The following SOS1 variants were observed in gnomAD, a reference collection of about 807,000 sequenced individuals.
The protein encoded by SOS1 is son of sevenless homolog 1.
In SOS1, 25 loss-of-function variants were observed where a neutral mutation model predicts 157.6. The observed-to-expected ratio is 0.16, with a 90% confidence interval of 0.12 to 0.22. SOS1 has a LOEUF of 0.22. SOS1 is among the 10% of genes least tolerant of loss of function. The pLI, the probability that SOS1 is intolerant of heterozygous loss-of-function variation, is 1.00. For missense variants in SOS1, 1,237 were observed against 1,599.1 expected, an observed-to-expected ratio of 0.77 and a Z score of 3.86; for synonymous variants, 528 against 534.0, an observed-to-expected ratio of 0.99 and a Z score of 0.16.
chr2:39,018,264 A>G (rs1669690988), intron 10 of SOS1, among the ~76,000 whole-genome samples: 1 of 151,892 alleles, frequency 6.6e-6, no homozygotes, highest in South Asian at 2.1e-4. Context: ...TTTCTCAAAC[A>G]TGATCTCCTG....
chr2:39,103,214 T>C (rs1206871247), intron 1 of SOS1, among the ~76,000 whole-genome samples: 1 of 152,166 alleles, frequency 6.6e-6, no homozygotes, highest in Non-Finnish European at 1.5e-5. Flanking sequence ...AGACTTAATA[T>C]TGTTGACATC....
intron 1 of SOS1, among the ~76,000 whole-genome samples, chr2:39,086,859 C>T (rs1016776068): frequency 1.3e-5 from 2 of 152,108 alleles, no homozygotes; most frequent in Non-Finnish European, 2.9e-5. Flanking sequence ...GTCACCCAGG[C>T]TGGAGTGCAG....
intron 17 of SOS1, among the ~76,000 whole-genome samples, chr2:39,001,768 G>C (rs79266365): frequency 8.1e-4 from 123 of 152,272 alleles, no homozygotes; most frequent in African/African-American, 2.5e-3. Flanking sequence ...CTTAAGAATA[G>C]CACAGATAGG....
chr2:38,994,862 A>C lies in SOS1; in HGVS notation c.3346+261T>G, dbSNP rs143120043. ...GGAATGCATTTGAAAAGCTCAAATG[A>C]AATTTAAGCTGCCAATTTTACCACT... On this transcript the variant is annotated intron_variant, in intron 20 of 22. Transcript: ENST00000402219. Among the ~76,000 whole-genome samples, 753 of 152,316 alleles carry C rather than the reference A, an allele frequency of 4.9e-3. 6 individuals are homozygous for C. The highest frequency in any genetic ancestry group is 0.017 in the African/African-American group (726 of 41,560).
chr2:39,032,234 T>C (rs1670186087), intron 8 of SOS1, among the ~76,000 whole-genome samples: 1 of 152,156 alleles, frequency 6.6e-6, no homozygotes, highest in African/African-American at 2.4e-5. Context: ...TCTCTTGAAT[T>C]TACACCTCCT....
intron 7 of SOS1, 29 bp downstream of exon 7, chr2:39,035,361 T>C: frequency 5.6e-6 from 9 of 1,601,690 alleles, no homozygotes; most frequent in Non-Finnish European, 7.7e-6. Flanking sequence ...TTTCAGACAT[T>C]GTACATCTTC....
chr2:39,044,664 AC>A (rs1670688643), intron 6 of SOS1, among the ~76,000 whole-genome samples: 1 of 152,176 alleles, frequency 6.6e-6, no homozygotes, highest in South Asian at 2.1e-4. Context: ...GATCAAAAAT[AC>A]AGTATTTGTG....
chr2:39,044,520 T>C (rs1022221853), intron 6 of SOS1, among the ~76,000 whole-genome samples: 1 of 152,328 alleles, frequency 6.6e-6, no homozygotes, highest in East Asian at 1.9e-4. Flanking sequence ...TGTAAACTTC[T>C]CTCTGCAAAA....
chr2:39,083,440 C>A (rs1672275551), intron 1 of SOS1, among the ~76,000 whole-genome samples: 1 of 152,034 alleles, frequency 6.6e-6, no homozygotes, highest in Non-Finnish European at 1.5e-5. Context: ...AAAACGCAAA[C>A]AGAATATTTT....
intron 2 of SOS1, among the ~76,000 whole-genome samples, chr2:39,062,373 A>C (rs1671435033): frequency 6.7e-6 from 1 of 150,266 alleles, no homozygotes; most frequent in South Asian, 2.1e-4. Flanking sequence ...AGCTGAGATC[A>C]CACCACTGCA....
intron 1 of SOS1, among the ~76,000 whole-genome samples, chr2:39,106,074 G>C (rs1262589638): frequency 2.0e-5 from 3 of 151,786 alleles, no homozygotes; most frequent in African/African-American, 7.3e-5. Context: ...AAAAAAATTA[G>C]CCGCGCATGG....
At chr2:39,087,358 CATATG>C (rs1288834791) in intron 1 of SOS1, among the ~76,000 whole-genome samples, 1 of 152,182 alleles carries the variant, frequency 6.6e-6, no homozygotes, top group African/African-American at 2.4e-5. Flanking sequence ...GTGGAGCTGT[CATATG>C]ATAACAGCCA....
At chr2:39,043,943 G>A (rs556547815) in intron 6 of SOS1, among the ~76,000 whole-genome samples, 25 of 152,244 alleles carry the variant, frequency 1.6e-4, no homozygotes, top group African/African-American at 6.0e-4. Flanking sequence ...ATACACTTTT[G>A]ACTATTCATT....
At position 39,019,376 on chromosome 2, in the gene SOS1, C is replaced by T. The variant is rs7585983; in HGVS notation, c.1858+3194G>A. Among the ~76,000 whole-genome samples the T allele has an allele frequency of 3.7e-3, 560 of 151,834 alleles. 6 individuals are homozygous for T. The highest frequency in any genetic ancestry group is 0.013 in the African/African-American group (530 of 41,522). ...TTGCCTACAACAACTCTGTAACAGA[C>T]GTGAAATTCCTACTCTCAACTTTTT... On this transcript the variant is annotated intron_variant, in intron 10 of 22. Coordinates refer to ENST00000402219, the MANE Select transcript of SOS1 (RefSeq NM_005633.4).
At chr2:39,021,652 T>C (rs944452895) in intron 10 of SOS1, among the ~76,000 whole-genome samples, 7 of 151,590 alleles carry the variant, frequency 4.6e-5, no homozygotes, top group Non-Finnish European at 1.0e-4. Flanking sequence ...AATGATAAAG[T>C]TTAGAATGCT....
At chr2:39,035,892 GT>G (rs1670325513) in intron 6 of SOS1, among the ~76,000 whole-genome samples, 2 of 152,112 alleles carry the variant, frequency 1.3e-5, no homozygotes. Context: ...AGCCAGACAT[GT>G]TTTTATAGTT....
At chr2:38,997,481 T>TTC (rs1211402897) in intron 17 of SOS1, 56 bp from the exon 18 acceptor site, 3 of 1,310,624 alleles carry the variant, frequency 2.3e-6, no homozygotes, top group Admixed American at 1.7e-5. Flanking sequence ...CAAGTTTTTT[T>TTC]CTGTTTCATT....
At chr2:39,045,624 T>C (rs1670754680) in intron 6 of SOS1, among the ~76,000 whole-genome samples, 1 of 152,214 alleles carries the variant, frequency 6.6e-6, no homozygotes, top group South Asian at 2.1e-4. Context: ...TATGTTATGA[T>C]ATTTCATCCC....
intron 17 of SOS1, among the ~76,000 whole-genome samples, chr2:39,003,641 C>A (rs1669183296): frequency 6.6e-6 from 1 of 152,096 alleles, no homozygotes; most frequent in Non-Finnish European, 1.5e-5. Context: ...AGGGGAAATG[C>A]TAAATATAAT....
Sources: gnomAD v4.1 joint callset for allele counts (sites outside exome capture counted in the v4.1 genomes callset) on GRCh38, gnomAD v4.1.1 for gene constraint, MANE v1.5 for transcripts, NCBI Gene and HGNC (gene_info 2026-07-23, HGNC 2026-07-21) for gene names.